The following COL11A2 variants were observed in gnomAD, a reference collection of about 807,000 sequenced individuals.
COL11A2 encodes the protein collagen alpha-2(XI) chain.
In COL11A2, 116 loss-of-function variants were observed where a neutral mutation model predicts 273.4. The ratio of observed to expected loss-of-function variants is 0.42; its 90% confidence interval spans 0.36 to 0.49. COL11A2 has a LOEUF of 0.49. Ranked by LOEUF, COL11A2 falls within the 20% of genes least tolerant of loss-of-function variation. COL11A2 has a pLI of 0.00. For missense variants in COL11A2, 1,866 were observed against 2,309.0 expected, an observed-to-expected ratio of 0.81 and a Z score of 3.93; for synonymous variants, 782 against 864.2, an observed-to-expected ratio of 0.90 and a Z score of 1.67.
chr6:33,187,734 A>G (rs1772606121), intron 4 of COL11A2, among the ~76,000 whole-genome samples: 1 of 151,698 alleles, frequency 6.6e-6, no homozygotes, highest in Non-Finnish European at 1.5e-5. Context: ...TAAGTGGGTC[A>G]GGAGATGGGT....
Position 33,176,650 on chromosome 6 carries a change from T to TC in COL11A2, c.2115+70dup. Reference sequence around the variant, plus strand: ...CCATATGAATAATGAGACAAGGGAATCCCAAGGACTTTGAGGCTCTAGAGT... The same window carrying TC: ...CCATATGAATAATGAGACAAGGGAATCCCCAAGGACTTTGAGGCTCTAGAGT... On this transcript the variant is annotated intron_variant, in intron 26 of 65. Transcript: ENST00000341947. The surrounding 1 kb of genome is among the most constrained non-coding windows in gnomAD (Gnocchi z 4.9). The TC allele has an allele frequency of 6.7e-7, 1 of 1,492,344 alleles. No homozygotes were observed. The highest frequency in any genetic ancestry group is 9.3e-7 in the Non-Finnish European group (1 of 1,078,332). 92.4% of individuals were successfully genotyped at this position (1,492,344 alleles called of 1,614,324 possible). A position where few individuals can be genotyped will look rare whatever the true frequency, so the allele number is the denominator to read the frequency against.
In COL11A2 at chr6:33,173,089, G is replaced by C. The variant is rs1416503874; in HGVS notation, c.2761C>G (p.Pro921Ala). The C allele has an allele frequency of 6.2e-7, 1 of 1,612,668 alleles. No individual in the cohort carries two copies. The highest frequency in any genetic ancestry group is 2.2e-5 in the East Asian group (1 of 44,860). The change falls in exon 38 of 66, where the codon CCT becomes GCT. Residue 921 changes from proline to alanine, a missense_variant. Pro to Ala is a conservative substitution (Grantham distance 27). Coordinates refer to ENST00000341947, the MANE Select transcript of COL11A2 (RefSeq NM_080680.3). The surrounding 1 kb of genome is among the most constrained non-coding windows in gnomAD (Gnocchi z 6.3). Reference protein sequence around the residue: ...EVGFQGKTGPPGPPGVVGPQG... With the variant: ...EVGFQGKTGPAGPPGVVGPQG... The stretch of plus-strand genomic sequence containing the variant: ...GGTCCCACCACTCCTGGAGGACCAG[G>C]GGGGCCGGTCTTCCCTTGGAAACCC...
chr6:33,173,336 A>T lies in COL11A2; in HGVS notation c.2736+12T>A. ...AGCCCCCTGAGAATGGGTAGCCAGG[A>T]GCATCACTCACCACTTCTCCTCTTT... On this transcript the variant is annotated intron_variant, in intron 37 of 65. Transcript: ENST00000341947. This position sits in a 1 kb window ranked among gnomAD's most constrained non-coding sequence, Gnocchi z 6.3. The T allele has an allele frequency of 6.2e-7, 1 of 1,611,436 alleles. No individual in the cohort carries two copies. The highest frequency in any genetic ancestry group is 8.5e-7 in the Non-Finnish European group (1 of 1,179,836).
chr6:33,168,140 G>A (rs1204491333), intron 54 of COL11A2, among the ~76,000 whole-genome samples: 1 of 151,974 alleles, frequency 6.6e-6, no homozygotes, highest in Non-Finnish European at 1.5e-5. Flanking sequence ...CCACAGAAAA[G>A]CTGGCCAGCC....
rs2150519122 is a variant in COL11A2, at chr6:33,166,058, C to G, written c.4429-74G>C. 1 of 1,609,416 alleles carries G rather than the reference C, an allele frequency of 6.2e-7. No individual in the cohort carries two copies. The highest frequency in any genetic ancestry group is 2.2e-5 in the East Asian group (1 of 44,814). On this transcript the variant is annotated intron_variant, in intron 61 of 65. Coordinates refer to ENST00000341947, the MANE Select transcript of COL11A2 (RefSeq NM_080680.3). The surrounding 1 kb of genome is among the most constrained non-coding windows in gnomAD (Gnocchi z 4.8). ...GATCAAGGTCACAGAAAGATCAAAT[C>G]AGCCTCCTGGCTGGAATAAGGGGCT...
chr6:33,176,349 G>A lies in COL11A2; in HGVS notation c.2170-46C>T, dbSNP rs1387415676. 1.2e-6 allele frequency: 2 copies of A among 1,600,636 alleles called. No individual in the cohort carries two copies. Among genetic ancestry groups the A allele is most frequent in the South Asian group, 1.1e-5 (1 of 89,586 alleles). On this transcript the variant is annotated intron_variant, in intron 27 of 65. Transcript: ENST00000341947. This position sits in a 1 kb window ranked among gnomAD's most constrained non-coding sequence, Gnocchi z 4.9. ...GAAGTAGACTGATCAGGGGATGGAG[G>A]TGGGTTGGAAGGACCAAGCTCCTAA...
rs117237998 is a variant in COL11A2 at position 33,174,020 on chromosome 6, C to A, written c.2520G>T (p.Arg840=). Residue 840 remains arginine, a synonymous_variant, in exon 33 of 66, where the codon CGG becomes CGT. Coordinates refer to ENST00000341947, the MANE Select transcript of COL11A2 (RefSeq NM_080680.3). ...TCTCCCCTGCACTCACCGTGGGGCC[C>A]CGTTCTCCCCGAGGCCCTGACTTCC... The part of the protein sequence containing the change: ...LSGKSGPRGE[R]GPTGPRGQRG... The A allele has an allele frequency of 3.7e-6, 6 of 1,613,856 alleles. No individual in the cohort carries two copies. Among genetic ancestry groups the A allele is most frequent in the Non-Finnish European group, 5.1e-6 (6 of 1,179,996 alleles).
Position 33,189,140 on chromosome 6 carries a change from G to C in COL11A2, c.281C>G (p.Pro94Arg). The change falls in exon 3 of 66, where the codon CCT becomes CGT. Residue 94 changes from proline (P) to arginine (R), a missense_variant. Physicochemically the swap from Pro to Arg is moderately radical, Grantham distance 103. Transcript: ENST00000341947. The surrounding 1 kb of genome is among the most constrained non-coding windows in gnomAD (Gnocchi z 5.6). ...FSLLTVVRTR[P>R]GLQAPLLTLY... The stretch of plus-strand genomic sequence containing the variant: ...AGTCAGGAGGGGAGCTTGGAGACCA[G>C]GGCGGGTCCGGACAACAGTCAGCAG... 1 of 1,614,034 alleles carries C rather than the reference G, an allele frequency of 6.2e-7. No individual in the cohort carries two copies. The highest frequency in any genetic ancestry group is 1.1e-5 in the South Asian group (1 of 91,090).
rs747562539 is a variant in COL11A2 at position 33,173,137 on chromosome 6, G to T, written c.2737-24C>A. ...CCCTAGGCGAGGAAGAGAGGAGAAT[G>T]CAGTGAAAGCAGGTGTGGGCGCTGT... On this transcript the variant is annotated intron_variant, in intron 37 of 65. Coordinates refer to ENST00000341947, the MANE Select transcript of COL11A2 (RefSeq NM_080680.3). This position sits in a 1 kb window ranked among gnomAD's most constrained non-coding sequence, Gnocchi z 6.3. The T allele has an allele frequency of 4.4e-6, 7 of 1,606,244 alleles. No homozygotes were observed. The highest frequency in any genetic ancestry group is 5.9e-6 in the Non-Finnish European group (7 of 1,176,652).
rs200548977 is a variant in COL11A2, at chr6:33,163,825, G to A, written c.5071-7C>T. On this transcript the variant is annotated splice_polypyrimidine_tract_variant and splice_region_variant and intron_variant, in intron 65 of 65. Transcript: ENST00000341947. The surrounding 1 kb of genome is among the most constrained non-coding windows in gnomAD (Gnocchi z 4.1). ...CCGTCCGGCCTTGCTGTGTCTTCAG[G>A]GGGAGACAAGGAAGAAAGTGTGAGC... 5.0e-6 allele frequency: 8 copies of A among 1,612,908 alleles called. No individual in the cohort carries two copies. Among genetic ancestry groups the A allele is most frequent in the Admixed American group, 3.3e-5 (2 of 60,018 alleles).
In COL11A2 at chr6:33,173,475, G is replaced by C; in HGVS notation, c.2682+27C>G. On this transcript the variant is annotated intron_variant, in intron 36 of 65. Transcript: ENST00000341947. This position sits in a 1 kb window ranked among gnomAD's most constrained non-coding sequence, Gnocchi z 6.3. ...GGGAAGAAGGACTCAGAGAAGCGAG[G>C]TGGGTCAGAGCTCGGGGTCAACTTA... 6.2e-7 allele frequency: 1 copy of C among 1,612,276 alleles called. No homozygotes were observed. The highest frequency in any genetic ancestry group is 8.5e-7 in the Non-Finnish European group (1 of 1,179,260).
At position 33,169,911 on chromosome 6, in the gene COL11A2, T is replaced by C. The variant is rs750665691; in HGVS notation, c.3637-27A>G. ...TGCAAAGAGATTAGAGTCAAAAACC[T>C]CCTCTCCTTCCCCAGCCAAAAAATT... On this transcript the variant is annotated intron_variant, in intron 49 of 65. Transcript: ENST00000341947. The surrounding 1 kb of genome is among the most constrained non-coding windows in gnomAD (Gnocchi z 5.5). The C allele has an allele frequency of 2.6e-5, 42 of 1,613,810 alleles. No individual in the cohort carries two copies. In the Admixed American group the frequency reaches 6.8e-4, roughly 26 times the overall value.
At chr6:33,185,604 TC>T in intron 6 of COL11A2, 96 bp downstream of exon 6, 1 of 539,310 alleles carries the variant, frequency 1.9e-6, no homozygotes. Context: ...ACTGTGCCTC[TC>T]CCCACGGCAT....
At position 33,164,564 on chromosome 6, in the gene COL11A2, A is replaced by C. The variant is rs1280537880; in HGVS notation, c.4864-91T>G. 8 of 1,069,692 alleles carry C rather than the reference A, an allele frequency of 7.5e-6. No individual in the cohort carries two copies. Among genetic ancestry groups the C allele is most frequent in the Non-Finnish European group, 1.1e-5 (8 of 752,654 alleles). The allele number at this position is 1,069,692 out of a possible 1,614,324, so 66.3% of individuals were successfully genotyped here. On this transcript the variant is annotated intron_variant, in intron 64 of 65. Coordinates refer to ENST00000341947, the MANE Select transcript of COL11A2 (RefSeq NM_080680.3). This position sits in a 1 kb window ranked among gnomAD's most constrained non-coding sequence, Gnocchi z 4.7. ...GACGGGCCTCAGGAGCATCTACGGCACCAGGACAGCTGAGCCAGAGTCATG... is the reference window on the plus strand; with the variant it reads ...GACGGGCCTCAGGAGCATCTACGGCCCCAGGACAGCTGAGCCAGAGTCATG...
rs1440447553 is a variant in COL11A2 at position 33,173,352 on chromosome 6, TCTC to T, written c.2729_2731del (p.Gly910del). On this transcript the variant is annotated inframe_deletion, in exon 37 of 66. Transcript: ENST00000341947. The surrounding 1 kb of genome is among the most constrained non-coding windows in gnomAD (Gnocchi z 6.3). Reference sequence around the variant, plus strand: ...GTAGCCAGGAGCATCACTCACCACTTCTCCTCTTTGGCCTGGGTGTCCCGGCAG... The same window carrying T: ...GTAGCCAGGAGCATCACTCACCACTTCTCTTTGGCCTGGGTGTCCCGGCAG... The T allele has an allele frequency of 3.7e-6, 6 of 1,611,424 alleles. No homozygotes were observed. The highest frequency in any genetic ancestry group is 1.3e-5 in the African/African-American group (1 of 74,476).
Position 33,163,438 on chromosome 6 carries a change from T to A in COL11A2, c.*240A>T. The A allele has an allele frequency of 1.7e-6, 1 of 602,764 alleles. No individual in the cohort carries two copies. Among genetic ancestry groups the A allele is most frequent in the Non-Finnish European group, 3.0e-6 (1 of 335,798 alleles). The allele number at this position is 602,764 out of a possible 1,614,324, so 37.3% of individuals were successfully genotyped here. Reference sequence around the variant, plus strand: ...GTGAGTTTTAAATAAGGGTCTCAGCTCTCTAACGGGTAACAGGCTCCAGGT... The same window carrying A: ...GTGAGTTTTAAATAAGGGTCTCAGCACTCTAACGGGTAACAGGCTCCAGGT... On this transcript the variant is annotated 3_prime_UTR_variant, in exon 66 of 66. Coordinates refer to ENST00000341947, the MANE Select transcript of COL11A2 (RefSeq NM_080680.3). This position sits in a 1 kb window ranked among gnomAD's most constrained non-coding sequence, Gnocchi z 4.1.
intron 3 of COL11A2, among the ~76,000 whole-genome samples, chr6:33,188,725 T>C (rs1772722891): frequency 6.6e-6 from 1 of 152,238 alleles, no homozygotes; most frequent in Admixed American, 6.5e-5. Flanking sequence ...TTAATGTCTA[T>C]TTTACAGATG....
chr6:33,175,486 C>T (rs1188427783), intron 30 of COL11A2, 88 bp downstream of exon 30: 1 of 1,066,244 alleles, frequency 9.4e-7, no homozygotes, highest in Non-Finnish European at 1.5e-6. Context: ...AACTGACTGG[C>T]TGACTTCAGC....
At chr6:33,168,403 C>A in intron 54 of COL11A2, 116 bp downstream of exon 54, 2 of 1,154,804 alleles carry the variant, frequency 1.7e-6, no homozygotes, top group Non-Finnish European at 1.3e-6. Context: ...CACACACACA[C>A]CCAGGGCAAT....
Sources: allele counts gnomAD v4.1 joint callset (sites outside exome capture counted in the v4.1 genomes callset), GRCh38; gene constraint gnomAD v4.1.1; non-coding constraint Gnocchi (gnomAD v3.1); transcripts MANE v1.5; gene names NCBI Gene and HGNC (gene_info 2026-07-23, HGNC 2026-07-21).